Variants in PDE1A observed in about 807,000 individuals in gnomAD.
PDE1A encodes the protein phosphodiesterase 1A.
A neutral mutation model predicts 61.7 loss-of-function variants in PDE1A; 35 were observed. The ratio of observed to expected loss-of-function variants is 0.57; its 90% CI spans 0.43 to 0.75. The LOEUF is 0.75. PDE1A is among the 30% of genes least tolerant of loss of function. PDE1A has a pLI of 0.00. For synonymous variants in PDE1A, 232 were observed against 213.2 expected (o/e 1.09, Z -0.77); for missense variants, 597 against 630.6 (o/e 0.95, Z 0.57).
intron 2 of PDE1A, among the ~76,000 whole-genome samples, chr2:182,516,917 G>T (rs56659344): frequency 0.079 from 11,847 of 150,850 alleles, 530 homozygotes; most frequent in African/African-American, 0.12. Flanking sequence ...TACAGGATAC[G>T]CTCCCTATTT....
intron 2 of PDE1A, among the ~76,000 whole-genome samples, chr2:182,499,741 A>G (rs1248386844): frequency 1.3e-5 from 2 of 152,230 alleles, no homozygotes; most frequent in Non-Finnish European, 2.9e-5. Context: ...CAAAATAAAT[A>G]TATCTTCACA....
chr2:182,563,064 G>A, the PDE1A span, among the ~76,000 whole-genome samples: 1 of 152,066 alleles, frequency 6.6e-6, no homozygotes, highest in Non-Finnish European at 1.5e-5. Context: ...CTTCAGTTCT[G>A]CTCTGATTTT....
At chr2:182,175,901 A>C in intron 13 of PDE1A, among the ~76,000 whole-genome samples, 1 of 140,422 alleles carries the variant, frequency 7.1e-6, no homozygotes, top group Non-Finnish European at 1.5e-5. Context: ...CTTTCTACAT[A>C]TGGCTAGCCA....
At chr2:182,459,049 T>C (rs75566371) in intron 2 of PDE1A, among the ~76,000 whole-genome samples, 1 of 152,052 alleles carries the variant, frequency 6.6e-6, no homozygotes, top group African/African-American at 2.4e-5. Flanking sequence ...TCTGTTGCCA[T>C]AACTCATGAA....
chr2:182,615,107 C>G, the PDE1A span, among the ~76,000 whole-genome samples: 1,046 of 152,262 alleles, frequency 6.9e-3, 10 homozygotes, highest in African/African-American at 0.024. Flanking sequence ...TTCACCATTT[C>G]CTAAGACTAT....
At chr2:182,573,759 G>A in the PDE1A span, among the ~76,000 whole-genome samples, 20 of 150,612 alleles carry the variant, frequency 1.3e-4, no homozygotes, top group African/African-American at 4.6e-4. Context: ...TATTTTAAAC[G>A]ATTCAGCAAA....
At chr2:182,231,717 C>T (rs1415114661) in intron 4 of PDE1A, among the ~76,000 whole-genome samples, 1 of 151,944 alleles carries the variant, frequency 6.6e-6, no homozygotes, top group African/African-American at 2.4e-5. Context: ...AGTTCGAGGC[C>T]AGCCTGACCA....
the PDE1A span, among the ~76,000 whole-genome samples, chr2:182,643,021 T>C: frequency 1.3e-5 from 2 of 152,120 alleles, no homozygotes; most frequent in African/African-American, 4.8e-5. Flanking sequence ...CTGATGCCCA[T>C]CATTTATCTC....
the PDE1A span, among the ~76,000 whole-genome samples, chr2:182,689,823 G>A: frequency 6.6e-6 from 1 of 152,022 alleles, no homozygotes; most frequent in African/African-American, 2.4e-5. Flanking sequence ...TCAAATAGAT[G>A]CAATAAAAAA....
At chr2:182,565,029 G>A in the PDE1A span, among the ~76,000 whole-genome samples, 11 of 151,938 alleles carry the variant, frequency 7.2e-5, no homozygotes, top group African/African-American at 1.7e-4. Flanking sequence ...TAGTTTGTTC[G>A]TCTGAAGCCT....
the PDE1A span, among the ~76,000 whole-genome samples, chr2:182,554,704 T>C: frequency 1.3e-4 from 20 of 152,206 alleles, no homozygotes; most frequent in Non-Finnish European, 1.9e-4. Context: ...CCTTCAAACA[T>C]GTTTTATAAT....
the PDE1A span, among the ~76,000 whole-genome samples, chr2:182,549,345 T>C: frequency 6.6e-6 from 1 of 152,108 alleles, no homozygotes; most frequent in Non-Finnish European, 1.5e-5. Flanking sequence ...AAGTATTGAT[T>C]ATGCAAAAAG....
At chr2:182,686,586 T>C in the PDE1A span, among the ~76,000 whole-genome samples, 2 of 152,214 alleles carry the variant, frequency 1.3e-5, no homozygotes, top group African/African-American at 4.8e-5. Context: ...AGCTCCAGTC[T>C]ACAGCTCCCA....
At chr2:182,210,243 A>G (rs1179566657) in intron 7 of PDE1A, among the ~76,000 whole-genome samples, 1 of 152,238 alleles carries the variant, frequency 6.6e-6, no homozygotes, top group Non-Finnish European at 1.5e-5. Context: ...TGGCTATACC[A>G]GTTTTCATGC....
chr2:182,712,333 A>C, the PDE1A span, among the ~76,000 whole-genome samples: 1 of 152,178 alleles, frequency 6.6e-6, no homozygotes, highest in Non-Finnish European at 1.5e-5. Context: ...GCAAGACCTA[A>C]ATGGGGTCTG....
intron 4 of PDE1A, among the ~76,000 whole-genome samples, chr2:182,233,510 A>G (rs1432518): frequency 0.66 from 100,085 of 151,862 alleles, 33,088 homozygotes; most frequent in South Asian, 0.76. Context: ...TATGCAGCAG[A>G]GAAAAAACAA....
At chr2:182,679,078 C>A in the PDE1A span, among the ~76,000 whole-genome samples, 1 of 147,250 alleles carries the variant, frequency 6.8e-6, no homozygotes, top group African/African-American at 2.5e-5. Context: ...GATCTTGGCT[C>A]ACTGCAACCT....
the PDE1A span, among the ~76,000 whole-genome samples, chr2:182,568,646 C>T: frequency 2.6e-5 from 4 of 152,146 alleles, no homozygotes; most frequent in Non-Finnish European, 5.9e-5. Context: ...GCCTGGGTGA[C>T]ACAGTGAGAC....
the PDE1A span, among the ~76,000 whole-genome samples, chr2:182,564,913 T>G: frequency 6.6e-6 from 1 of 152,206 alleles, no homozygotes; most frequent in Non-Finnish European, 1.5e-5. Context: ...TCAGCTCCTT[T>G]AAGCACTTCT....
Sources: allele counts gnomAD v4.1 joint callset (sites outside exome capture counted in the v4.1 genomes callset), GRCh38; gene constraint gnomAD v4.1.1; transcripts MANE v1.5; gene names NCBI Gene and HGNC (gene_info 2026-07-23, HGNC 2026-07-21).